Variants in UPP2 observed in about 807,000 individuals in gnomAD.
The protein encoded by UPP2 is UPase 2.
In UPP2, 23 loss-of-function variants were observed where a neutral mutation model predicts 26.7. That is an observed-to-expected ratio of 0.86 (90% CI 0.62 to 1.22). The LOEUF is 1.22. Ranked by LOEUF, UPP2 falls within the 50% of genes most tolerant of loss-of-function variation. The probability of loss-of-function intolerance (pLI) is 0.00; values close to 1 mark genes in which losing one functional copy is unlikely to be tolerated. For synonymous variants in UPP2, 127 were observed against 141.3 expected (o/e 0.90, Z 0.72); for missense variants, 387 against 396.7 (o/e 0.98, Z 0.21).
chr2:158,010,221 G>A (rs570326542), intron 2 of UPP2, among the ~76,000 whole-genome samples: 104 of 152,260 alleles, frequency 6.8e-4, no homozygotes, highest in Non-Finnish European at 1.2e-3. Flanking sequence ...CCTTGATATA[G>A]GCGGAAAATA....
chr2:158,018,304 G>A (rs1048554286), intron 3 of UPP2, among the ~76,000 whole-genome samples: 3 of 152,184 alleles, frequency 2.0e-5, no homozygotes, highest in Admixed American at 6.5e-5. Flanking sequence ...TTATTAAGAC[G>A]GTTTGGATTA....
At chr2:158,079,280 A>G (rs1682681207) in intron 3 of UPP2, among the ~76,000 whole-genome samples, 2 of 152,090 alleles carry the variant, frequency 1.3e-5, no homozygotes, top group African/African-American at 4.8e-5. Context: ...ACTCACAAAA[A>G]TTAAAAATAA....
At chr2:158,111,845 C>T (rs545623975) in intron 2 of UPP2, among the ~76,000 whole-genome samples, 22 of 152,006 alleles carry the variant, frequency 1.4e-4, no homozygotes, top group Admixed American at 7.9e-4. Context: ...CAATGTTGTA[C>T]GACTTGAAGT....
At chr2:158,036,531 A>G (rs1684002811) in intron 3 of UPP2, among the ~76,000 whole-genome samples, 1 of 152,202 alleles carries the variant, frequency 6.6e-6, no homozygotes, top group Non-Finnish European at 1.5e-5. Flanking sequence ...TTCCAGTATA[A>G]ACTATAGCCA....
At chr2:158,046,802 G>A (rs1467296094) in intron 3 of UPP2, among the ~76,000 whole-genome samples, 1 of 152,126 alleles carries the variant, frequency 6.6e-6, no homozygotes, top group Non-Finnish European at 1.5e-5. Flanking sequence ...AATAAGCTTA[G>A]GGAGTTCTGT....
chr2:158,075,168 T>A (rs535643866), intron 3 of UPP2, among the ~76,000 whole-genome samples: 1 of 152,086 alleles, frequency 6.6e-6, no homozygotes, highest in African/African-American at 2.4e-5. Context: ...CCCAATACAG[T>A]AATAGCTGAA....
Position 158,083,699 on chromosome 2 carries a change from T to C in UPP2, c.148-18341T>C, listed in dbSNP as rs555496555. On this transcript the variant is annotated intron_variant, in intron 3 of 9. Coordinates refer to the UPP2 transcript ENST00000605860. Reference sequence around the variant, plus strand: ...TGTGCATGTATCCCAGAACTTAAAGTATAATTAAAAAAAAATATAATTGTC... The same window carrying C: ...TGTGCATGTATCCCAGAACTTAAAGCATAATTAAAAAAAAATATAATTGTC... Among the ~76,000 whole-genome samples the C allele has an allele frequency of 2.6e-5, 4 of 151,770 alleles. No homozygotes were observed. The East Asian group carries it at 7.8e-4, about 29-fold the overall frequency.
rs559886895 is a variant in UPP2 at position 158,024,444 on chromosome 2, C to T, written c.147+8558C>T. Among the ~76,000 whole-genome samples, 6 of 152,222 alleles carry T rather than the reference C, an allele frequency of 3.9e-5. No individual in the cohort carries two copies. In the South Asian group the frequency reaches 1.2e-3, roughly 32 times the overall value. ...TCATTTAATTTAATTAGCAGTAGGG[C>T]CCCAACGCCTGGGAAAAATCAGGTC... On this transcript the variant is annotated intron_variant, in intron 3 of 9. Transcript: ENST00000605860.
In UPP2 at chr2:158,109,607, C is replaced by A. The variant is rs574561354; in HGVS notation, c.180+3391C>A. Among the ~76,000 whole-genome samples the A allele has an allele frequency of 7.2e-5, 11 of 152,282 alleles. No individual in the cohort carries two copies. In the East Asian group the frequency reaches 1.9e-3, roughly 27 times the overall value. ...GATGGGAGATTTCTATGGGCTAGGA[C>A]TGGAAATGGTACCCATTACTTCTGC... On this transcript the variant is annotated intron_variant, in intron 2 of 6. Coordinates refer to ENST00000005756, the MANE Select transcript of UPP2 (RefSeq NM_173355.4).
intron 5 of UPP2, among the ~76,000 whole-genome samples, chr2:158,122,716 A>G (rs1409475237): frequency 6.6e-6 from 1 of 152,214 alleles, no homozygotes; most frequent in Non-Finnish European, 1.5e-5. Context: ...AAAAATGTAC[A>G]CCAGTATATG....
chr2:158,093,302 AC>A (rs1558928135), intron 3 of UPP2, among the ~76,000 whole-genome samples: 12 of 151,260 alleles, frequency 7.9e-5, no homozygotes, highest in South Asian at 4.2e-4. Context: ...ACACACACAC[AC>A]ACAATTAGAA....
At chr2:158,012,415 G>A (rs1298397292) in intron 2 of UPP2, among the ~76,000 whole-genome samples, 4 of 151,684 alleles carry the variant, frequency 2.6e-5, no homozygotes, top group African/African-American at 4.8e-5. Flanking sequence ...TTACAGGCAC[G>A]TGCCACCACA....
At chr2:158,036,530 A>G (rs563328836) in intron 3 of UPP2, among the ~76,000 whole-genome samples, 1 of 152,218 alleles carries the variant, frequency 6.6e-6, no homozygotes, top group Non-Finnish European at 1.5e-5. Flanking sequence ...TTTCCAGTAT[A>G]AACTATAGCC....
intron 2 of UPP2, among the ~76,000 whole-genome samples, chr2:158,113,762 C>A (rs1470064932): frequency 2.0e-5 from 3 of 152,166 alleles, no homozygotes; most frequent in African/African-American, 4.8e-5. Context: ...ACCTTGTCAG[C>A]CCTCCCAGTC....
chr2:158,122,983 C>T (rs1348131818), intron 5 of UPP2, among the ~76,000 whole-genome samples: 1 of 152,038 alleles, frequency 6.6e-6, no homozygotes, highest in Middle Eastern at 3.2e-3. Context: ...GAGGAAAGAG[C>T]ACCAAAAAGG....
chr2:157,995,249 A>G (rs1396360940), exon 2 of UPP2: 1 of 1,613,666 alleles, frequency 6.2e-7, no homozygotes, highest in South Asian at 1.1e-5. Context: ...TGGTGAGGAC[A>G]AGGCCTGAAG....
At chr2:158,087,728 G>A (rs1163580301) in intron 3 of UPP2, among the ~76,000 whole-genome samples, 2 of 152,198 alleles carry the variant, frequency 1.3e-5, no homozygotes, top group Admixed American at 6.5e-5. Flanking sequence ...GCCTGAAAAA[G>A]ACCATCTTTC....
chr2:158,080,543 T>C (rs1310790787), intron 3 of UPP2, among the ~76,000 whole-genome samples: 2 of 152,190 alleles, frequency 1.3e-5, no homozygotes, highest in African/African-American at 4.8e-5. Context: ...ACACTGATTA[T>C]ACCCGGAACA....
At chr2:158,108,902 G>GTGTGTT (rs1281653312) in intron 2 of UPP2, among the ~76,000 whole-genome samples, 2 of 149,330 alleles carry the variant, frequency 1.3e-5, no homozygotes, top group African/African-American at 5.0e-5. Context: ...GTGTGTGTGT[G>GTGTGTT]TGTGTGTGTG....
Sources: allele counts gnomAD v4.1 joint callset (sites outside exome capture counted in the v4.1 genomes callset), GRCh38; gene constraint gnomAD v4.1.1; transcripts MANE v1.5; gene names NCBI Gene and HGNC (gene_info 2026-07-23, HGNC 2026-07-21).